Variants in NEGR1 observed in about 807,000 individuals in gnomAD.
The protein encoded by NEGR1 is neuronal growth regulator 1, also known as IgLON family member 4.
In NEGR1, 10 loss-of-function variants were observed where a neutral mutation model predicts 40.9. That is an observed-to-expected ratio of 0.24 (90% CI 0.15 to 0.42). The LOEUF (loss-of-function observed/expected upper bound fraction) is 0.42. Among genes scored for constraint, NEGR1 ranks in the 10% least tolerant of loss-of-function variants. The probability of loss-of-function intolerance (pLI) is 1.00; values close to 1 mark genes in which losing one functional copy is unlikely to be tolerated. For synonymous variants in NEGR1, 185 were observed against 166.8 expected, an observed-to-expected ratio of 1.11 and a Z score of -0.84; for missense variants, 352 against 438.9, an observed-to-expected ratio of 0.80 and a Z score of 1.77.
At chr1:72,088,147 T>G (rs1403443683) in intron 1 of NEGR1, among the ~76,000 whole-genome samples, 2 of 152,180 alleles carry the variant, frequency 1.3e-5, no homozygotes, top group Non-Finnish European at 2.9e-5. Flanking sequence ...TAAATTAATT[T>G]GGAGCTACTC....
At position 72,224,503 on chromosome 1, in the gene NEGR1, G is replaced by A. The variant is rs569916946; in HGVS notation, c.176+57816C>T. ...GCACTAAATTATTTGCTGTTTACAC[G>A]CAATATTTTATGTAATTCTCATAAC... is the stretch of plus-strand genomic sequence containing the variant. On this transcript the variant is annotated intron_variant, in intron 1 of 6. Transcript: ENST00000357731. Among the ~76,000 whole-genome samples the A allele has an allele frequency of 3.3e-3, 504 of 152,094 alleles. 1 individual carries two copies. The highest frequency in any genetic ancestry group is 6.0e-3 in the Non-Finnish European group (407 of 67,944).
At chr1:71,760,028 G>A (rs778262825) in intron 3 of NEGR1, among the ~76,000 whole-genome samples, 1 of 151,980 alleles carries the variant, frequency 6.6e-6, no homozygotes, top group African/African-American at 2.4e-5. Context: ...TGAAAAAATC[G>A]AATTCACAAA....
chr1:71,606,066 A>C (rs1412081659), intron 5 of NEGR1, among the ~76,000 whole-genome samples: 1 of 152,232 alleles, frequency 6.6e-6, no homozygotes, highest in Non-Finnish European at 1.5e-5. Context: ...CAGGGCATCC[A>C]AAGTCCTATT....
intron 1 of NEGR1, among the ~76,000 whole-genome samples, chr1:71,953,264 G>C (rs574638257): frequency 6.6e-6 from 1 of 152,028 alleles, no homozygotes; most frequent in South Asian, 2.1e-4. Context: ...ATATCATTGA[G>C]AATATTCGTA....
chr1:71,450,812 G>T (rs1646621760), intron 6 of NEGR1, among the ~76,000 whole-genome samples: 1 of 149,248 alleles, frequency 6.7e-6, no homozygotes, highest in African/African-American at 2.5e-5. Flanking sequence ...CGGTCTCAGG[G>T]AAAAAAAGAA....
intron 2 of NEGR1, among the ~76,000 whole-genome samples, chr1:71,828,421 G>C (rs887349345): frequency 6.6e-6 from 1 of 151,902 alleles, no homozygotes; most frequent in Non-Finnish European, 1.5e-5. Flanking sequence ...TGTATTTTAG[G>C]TTCCTGGGAG....
chr1:71,735,781 C>G (rs1009172979), intron 3 of NEGR1, among the ~76,000 whole-genome samples: 2 of 151,876 alleles, frequency 1.3e-5, no homozygotes, highest in Non-Finnish European at 2.9e-5. Context: ...CTCTGTGCTA[C>G]TTTTTGATGA....
chr1:72,104,376 G>C (rs1225852938), intron 1 of NEGR1, among the ~76,000 whole-genome samples: 1 of 152,096 alleles, frequency 6.6e-6, no homozygotes, highest in East Asian at 1.9e-4. Context: ...TGTGACCGCG[G>C]AAGCAGAGGC....
At chr1:72,240,897 C>T (rs564411266) in intron 1 of NEGR1, among the ~76,000 whole-genome samples, 1 of 151,702 alleles carries the variant, frequency 6.6e-6, no homozygotes, top group Admixed American at 6.6e-5. Flanking sequence ...GATTAGCCTC[C>T]TTCTGATTTC....
At chr1:72,109,609 T>C (rs1649276746) in intron 1 of NEGR1, among the ~76,000 whole-genome samples, 1 of 151,632 alleles carries the variant, frequency 6.6e-6, no homozygotes, top group Admixed American at 6.6e-5. Context: ...CATCTTTCTA[T>C]TTGCTTCAGA....
At chr1:71,814,655 C>A (rs1658133057) in intron 2 of NEGR1, among the ~76,000 whole-genome samples, 1 of 151,886 alleles carries the variant, frequency 6.6e-6, no homozygotes, top group African/African-American at 2.4e-5. Context: ...TGTATGTATC[C>A]AGCAATTTAT....
At chr1:71,649,161 C>T (rs1651627015) in intron 4 of NEGR1, among the ~76,000 whole-genome samples, 1 of 152,052 alleles carries the variant, frequency 6.6e-6, no homozygotes, top group East Asian at 1.9e-4. Flanking sequence ...TATTATTTTA[C>T]CTCTCAAACA....
intron 1 of NEGR1, among the ~76,000 whole-genome samples, chr1:72,003,760 C>A (rs1646578749): frequency 6.6e-6 from 1 of 152,004 alleles, no homozygotes. Context: ...CAGTCTTTTC[C>A]CCAGAGCCAA....
intron 1 of NEGR1, among the ~76,000 whole-genome samples, chr1:72,276,915 C>G (rs1055549856): frequency 2.6e-5 from 4 of 151,984 alleles, no homozygotes; most frequent in African/African-American, 9.7e-5. Flanking sequence ...GGTAAGATAA[C>G]CCAGTGGTTA....
chr1:71,862,562 TC>T, intron 2 of NEGR1, among the ~76,000 whole-genome samples: 1 of 152,092 alleles, frequency 6.6e-6, no homozygotes, highest in Non-Finnish European at 1.5e-5. Context: ...TTGGTGGCTT[TC>T]CTCTCCATTC....
chr1:72,103,053 ACT>A (rs978154475), intron 1 of NEGR1, among the ~76,000 whole-genome samples: 8 of 151,916 alleles, frequency 5.3e-5, no homozygotes, highest in Non-Finnish European at 1.5e-5. Context: ...ATCATTTGTC[ACT>A]CTGTTTTTAT....
chr1:71,852,791 GAA>G (rs200253605), intron 2 of NEGR1, among the ~76,000 whole-genome samples: 4 of 127,700 alleles, frequency 3.1e-5, no homozygotes, highest in Non-Finnish European at 1.7e-5. Context: ...AAATGGCCAG[GAA>G]AAAAAAAAAA....
intron 4 of NEGR1, among the ~76,000 whole-genome samples, chr1:71,688,641 G>C (rs1020649308): frequency 2.0e-5 from 3 of 151,578 alleles, no homozygotes; most frequent in African/African-American, 7.3e-5. Flanking sequence ...ATCTTTAGTA[G>C]AGACAGAGTT....
intron 1 of NEGR1, among the ~76,000 whole-genome samples, chr1:72,213,588 G>C (rs1653689009): frequency 6.6e-6 from 1 of 151,944 alleles, no homozygotes; most frequent in African/African-American, 2.4e-5. Flanking sequence ...AGGAGAAAGG[G>C]GATATAAAAA....
Sources: gnomAD v4.1 joint callset for allele counts (sites outside exome capture counted in the v4.1 genomes callset) on GRCh38, gnomAD v4.1.1 for gene constraint, MANE v1.5 for transcripts, NCBI Gene and HGNC (gene_info 2026-07-23, HGNC 2026-07-21) for gene names.